The following GULP1 variants were observed in gnomAD, a reference collection of about 807,000 sequenced individuals.
GULP1 encodes GULP PTB domain containing engulfment adaptor 1.
GULP1 carries 19 observed loss-of-function variants against 40.9 expected under a neutral mutation model. That is an observed-to-expected ratio of 0.46 (90% CI 0.32 to 0.68). The LOEUF (loss-of-function observed/expected upper bound fraction) is 0.68, where lower values mean the gene tolerates loss of function less well. Among genes scored for constraint, GULP1 ranks in the 30% least tolerant of loss-of-function variants. The pLI is 0.03. For missense variants in GULP1, 312 were observed against 362.2 expected (o/e 0.86, Z 1.12); for synonymous variants, 119 against 117.6 (o/e 1.01, Z -0.08).
chr2:188,526,509 A>G (rs1425534839), intron 5 of GULP1, among the ~76,000 whole-genome samples: 1 of 152,156 alleles, frequency 6.6e-6, no homozygotes, highest in African/African-American at 2.4e-5. Flanking sequence ...ATTAATTAGA[A>G]ATATTAGGAA....
At chr2:188,346,618 G>A (rs1290335944) in intron 1 of GULP1, among the ~76,000 whole-genome samples, 1 of 150,788 alleles carries the variant, frequency 6.6e-6, no homozygotes, top group East Asian at 2.0e-4. Flanking sequence ...TCAGCCTCCC[G>A]AGTAACTGGG....
chr2:188,409,619 T>G (rs1235589367), intron 2 of GULP1, among the ~76,000 whole-genome samples: 1 of 152,052 alleles, frequency 6.6e-6, no homozygotes, highest in Non-Finnish European at 1.5e-5. Flanking sequence ...GAGGCCAGCA[T>G]TACCTCAATA....
intron 1 of GULP1, among the ~76,000 whole-genome samples, chr2:188,335,352 G>A (rs1186536725): frequency 6.6e-6 from 1 of 152,068 alleles, no homozygotes; most frequent in Non-Finnish European, 1.5e-5. Flanking sequence ...TATATGCCAT[G>A]CTTAAATTCT....
chr2:188,504,335 A>T (rs955021038), intron 4 of GULP1, among the ~76,000 whole-genome samples: 1 of 151,932 alleles, frequency 6.6e-6, no homozygotes, highest in Non-Finnish European at 1.5e-5. Context: ...TGGAAGTAGG[A>T]ACTATACTAA....
At chr2:188,420,320 T>C (rs1240004802) in intron 2 of GULP1, among the ~76,000 whole-genome samples, 1 of 152,226 alleles carries the variant, frequency 6.6e-6, no homozygotes, top group South Asian at 2.1e-4. Context: ...TACAGGATGT[T>C]TTTCCATTTA....
intron 2 of GULP1, among the ~76,000 whole-genome samples, chr2:188,412,950 A>T (rs921819409): frequency 6.6e-5 from 10 of 152,094 alleles, no homozygotes; most frequent in Admixed American, 5.2e-4. Context: ...AATTTTTTTT[A>T]AAATCTTAAA....
intron 4 of GULP1, among the ~76,000 whole-genome samples, chr2:188,505,918 C>G (rs1334473085): frequency 6.6e-6 from 1 of 151,686 alleles, no homozygotes; most frequent in Non-Finnish European, 1.5e-5. Context: ...TCTTTTTTAC[C>G]TCATAGTTGA....
In GULP1 at chr2:188,437,565, C is replaced by G. The variant is rs75800136; in HGVS notation, c.-44-40094C>G. ...AGAAAAGACATTCAACCCAGCAACC[C>G]CATTACTGAGTATACATCCAAAGTA... On this transcript the variant is annotated intron_variant, in intron 2 of 11. Transcript: ENST00000409830. Among the ~76,000 whole-genome samples the G allele has an allele frequency of 5.2e-3, 792 of 152,042 alleles. 2 individuals are homozygous for G. Among genetic ancestry groups the G allele is most frequent in the Middle Eastern group, 0.024 (7 of 294 alleles).
At chr2:188,450,809 C>T (rs1296911860) in intron 2 of GULP1, among the ~76,000 whole-genome samples, 1 of 152,102 alleles carries the variant, frequency 6.6e-6, no homozygotes, top group Non-Finnish European at 1.5e-5. Flanking sequence ...CCCACAGAAG[C>T]AAGAGTAGGA....
In GULP1 at chr2:188,595,059, C is replaced by CAAAA. The variant is rs5837097; in HGVS notation, c.*1061_*1064dup. ...TGTTAAAGTCAAAAATCTCATTTTC[C>CAAAA]AAAAAAAAAAAAAAAACCCAGTTAC... On this transcript the variant is annotated 3_prime_UTR_variant, in exon 12 of 12. Transcript: ENST00000409830. 7.8e-6 allele frequency: 1 copy of CAAAA among 128,882 alleles called. No individual in the cohort carries two copies. Among genetic ancestry groups the CAAAA allele is most frequent in the Non-Finnish European group, 1.7e-5 (1 of 59,496 alleles). The allele number at this position is 128,882 out of a possible 1,614,324, so 8.0% of individuals were successfully genotyped here. A position where few individuals can be genotyped will look rare whatever the true frequency, so the allele number is the denominator to read the frequency against.
intron 1 of GULP1, among the ~76,000 whole-genome samples, chr2:188,371,552 C>T (rs2047598942): frequency 6.6e-6 from 1 of 152,098 alleles, no homozygotes; most frequent in African/African-American, 2.4e-5. Context: ...GAAAGCACAA[C>T]ACTGTGTATG....
intron 4 of GULP1, among the ~76,000 whole-genome samples, chr2:188,518,717 C>T (rs1003577000): frequency 6.6e-6 from 1 of 152,044 alleles, no homozygotes; most frequent in Non-Finnish European, 1.5e-5. Context: ...TCCACTAAAC[C>T]CTAGTATCTT....
At chr2:188,363,279 A>G (rs2046331025) in intron 1 of GULP1, among the ~76,000 whole-genome samples, 1 of 152,100 alleles carries the variant, frequency 6.6e-6, no homozygotes, top group Non-Finnish European at 1.5e-5. Context: ...TTTAGTCTAT[A>G]GATGGTTACT....
intron 1 of GULP1, among the ~76,000 whole-genome samples, chr2:188,322,971 C>T (rs1290171290): frequency 6.6e-6 from 1 of 152,128 alleles, no homozygotes; most frequent in Non-Finnish European, 1.5e-5. Context: ...GCTCTACCAT[C>T]TGCACTGTGC....
chr2:188,411,265 C>T (rs542011382), intron 2 of GULP1, among the ~76,000 whole-genome samples: 18 of 145,642 alleles, frequency 1.2e-4, no homozygotes, highest in African/African-American at 3.1e-4. Context: ...GACAGACCCC[C>T]GCAGGGGTCC....
intron 4 of GULP1, among the ~76,000 whole-genome samples, chr2:188,492,475 C>T (rs1033214082): frequency 3.9e-5 from 6 of 152,034 alleles, no homozygotes; most frequent in African/African-American, 1.4e-4. Context: ...AAACAAGACT[C>T]CACCAATAAT....
chr2:188,466,444 ATTTTTTTT>A (rs60944877), intron 2 of GULP1: 37 of 118,188 alleles, frequency 3.1e-4, no homozygotes, highest in African/African-American at 1.1e-3. Flanking sequence ...TGCCCAGCTA[ATTTTTTTT>A]TTTTTTTTTT....
chr2:188,587,720 A>G, intron 10 of GULP1, 135 bp from the exon 11 acceptor site: 1 of 591,378 alleles, frequency 1.7e-6, no homozygotes, highest in South Asian at 2.3e-5. Flanking sequence ...GGAAAGCCCA[A>G]CATACAGTGT....
chr2:188,327,482 G>A (rs2040915931), intron 1 of GULP1, among the ~76,000 whole-genome samples: 1 of 152,126 alleles, frequency 6.6e-6, no homozygotes, highest in Non-Finnish European at 1.5e-5. Flanking sequence ...TGACAAAACT[G>A]TCAGTGACAG....
Sources: gnomAD v4.1 joint callset for allele counts (sites outside exome capture counted in the v4.1 genomes callset) on GRCh38, gnomAD v4.1.1 for gene constraint, MANE v1.5 for transcripts, NCBI Gene and HGNC (gene_info 2026-07-23, HGNC 2026-07-21) for gene names.